The following HHAT variants were observed in gnomAD, a reference collection of about 807,000 sequenced individuals.
HHAT encodes the protein protein-cysteine N-palmitoyltransferase HHAT.
HHAT carries 47 observed loss-of-function variants against 70.8 expected under a neutral mutation model. That is an observed-to-expected ratio of 0.66 (90% confidence interval 0.53 to 0.85). The LOEUF is 0.85. Ranked by LOEUF, HHAT falls within the 40% of genes least tolerant of loss-of-function variation. HHAT has a pLI of 0.00. For missense variants in HHAT, 609 were observed against 604.8 expected, an observed-to-expected ratio of 1.01 and a Z score of -0.07; for synonymous variants, 228 against 247.6, an observed-to-expected ratio of 0.92 and a Z score of 0.74.
chr1:210,427,272 G>A (rs866091298), intron 7 of HHAT, among the ~76,000 whole-genome samples: 6 of 151,454 alleles, frequency 4.0e-5, no homozygotes, highest in South Asian at 2.1e-4. Flanking sequence ...CCAATTCCTG[G>A]ATTCACTGAC....
intron 10 of HHAT, among the ~76,000 whole-genome samples, chr1:210,595,784 ATATC>A (rs1662846527): frequency 6.6e-6 from 1 of 151,758 alleles, no homozygotes; most frequent in Non-Finnish European, 1.5e-5. Flanking sequence ...GTGTCTATTC[ATATC>A]CTTCGCCCAC....
chr1:210,396,829 C>T (rs2091815973), intron 4 of HHAT, among the ~76,000 whole-genome samples: 3 of 152,088 alleles, frequency 2.0e-5, no homozygotes, highest in African/African-American at 7.2e-5. Flanking sequence ...TGAAAAAAGC[C>T]AATCTTTGAA....
chr1:210,506,403 T>A (rs922861694), intron 8 of HHAT, among the ~76,000 whole-genome samples: 2 of 152,188 alleles, frequency 1.3e-5, no homozygotes, highest in Non-Finnish European at 2.9e-5. Context: ...CCAGTTTTTT[T>A]ATCTCAAGCT....
Position 210,676,286 on chromosome 1 carries a change from G to A in HHAT, c.*1907G>A, listed in dbSNP as rs1263524552. ...TCAGGAATTAATAAATGATTACTGT[G>A]TTTAGCTCTGTATTTGAGGCTGATT... On this transcript the variant is annotated 3_prime_UTR_variant, in exon 12 of 12. Transcript: ENST00000261458. 6.6e-6 allele frequency: 1 copy of A among 152,194 alleles called. No homozygotes were observed. Among genetic ancestry groups the A allele is most frequent in the Non-Finnish European group, 1.5e-5 (1 of 68,030 alleles). 9.4% of individuals were successfully genotyped at this position (152,194 alleles called of 1,614,324 possible).
chr1:210,436,993 G>A lies in HHAT; in HGVS notation c.856+18668G>A, dbSNP rs535731215. On this transcript the variant is annotated intron_variant, in intron 7 of 11. Transcript: ENST00000261458. Reference sequence around the variant, plus strand: ...AACCAAGCACATCACAGAGTTTCAGGGATGGGAAGAAGATATCTTAGGAGT... The same window carrying A: ...AACCAAGCACATCACAGAGTTTCAGAGATGGGAAGAAGATATCTTAGGAGT... Among the ~76,000 whole-genome samples the A allele has an allele frequency of 4.0e-5, 6 of 151,856 alleles. No individual in the cohort carries two copies. In the South Asian group the frequency reaches 1.2e-3, roughly 32 times the overall value.
chr1:210,359,381 C>T (rs1365063690), intron 2 of HHAT, among the ~76,000 whole-genome samples: 1 of 152,198 alleles, frequency 6.6e-6, no homozygotes, highest in African/African-American at 2.4e-5. Flanking sequence ...AGATTCTAAA[C>T]CATCCCAATT....
chr1:210,415,385 C>T (rs1391580600), intron 6 of HHAT, among the ~76,000 whole-genome samples: 1 of 151,606 alleles, frequency 6.6e-6, no homozygotes, highest in African/African-American at 2.4e-5. Flanking sequence ...GAAAACCATC[C>T]TCAGTTTATG....
At position 210,418,270 on chromosome 1, in the gene HHAT, G is replaced by T. The variant is rs767706148; in HGVS notation, c.801G>T (p.Met267Ile). The T allele has an allele frequency of 2.5e-5, 40 of 1,613,388 alleles. 1 individual carries two copies. In the Middle Eastern group the frequency reaches 4.5e-3, roughly 180 times the overall value. ...LAELMAHLMY[M>I]HAIYSSIPLL... ...AGCTGATGGCTCACCTGATGTACAT[G>T]CATGCCATCTACAGCAGCATCCCCC... The change falls in exon 7 of 12, where the codon ATG becomes ATT. Residue 267 changes from methionine to isoleucine, a missense_variant. Coordinates refer to ENST00000261458, the MANE Select transcript of HHAT (RefSeq NM_018194.6).
intron 9 of HHAT, among the ~76,000 whole-genome samples, chr1:210,521,736 T>C (rs956041011): frequency 6.6e-6 from 1 of 152,192 alleles, no homozygotes; most frequent in African/African-American, 2.4e-5. Context: ...ACCCACTCCC[T>C]CTGAGAAGGA....
At chr1:210,454,248 T>C (rs1449909658) in intron 7 of HHAT, among the ~76,000 whole-genome samples, 1 of 152,130 alleles carries the variant, frequency 6.6e-6, no homozygotes, top group South Asian at 2.1e-4. Context: ...TTTCAGACAT[T>C]TTGCCCTGTG....
intron 6 of HHAT, among the ~76,000 whole-genome samples, chr1:210,412,578 G>A (rs1440260811): frequency 6.6e-6 from 1 of 152,166 alleles, no homozygotes; most frequent in Non-Finnish European, 1.5e-5. Context: ...AGCTCCTGAG[G>A]AAGTCCAAAA....
At chr1:210,453,133 A>G (rs2093788671) in intron 7 of HHAT, among the ~76,000 whole-genome samples, 1 of 152,214 alleles carries the variant, frequency 6.6e-6, no homozygotes, top group African/African-American at 2.4e-5. Flanking sequence ...AAGGGATAAG[A>G]CATTTGACGT....
chr1:210,512,693 CAT>C (rs2094979311), intron 8 of HHAT, among the ~76,000 whole-genome samples: 1 of 146,326 alleles, frequency 6.8e-6, no homozygotes, highest in South Asian at 2.2e-4. Context: ...AAAAAAAACC[CAT>C]ATATATGTGT....
At chr1:210,660,838 G>A (rs1363266097) in intron 11 of HHAT, among the ~76,000 whole-genome samples, 2 of 152,094 alleles carry the variant, frequency 1.3e-5, no homozygotes, top group Non-Finnish European at 2.9e-5. Flanking sequence ...TTAATAAATG[G>A]TGCTGGGAAA....
intron 7 of HHAT, among the ~76,000 whole-genome samples, chr1:210,436,992 G>A (rs1215874608): frequency 2.0e-5 from 3 of 151,926 alleles, no homozygotes; most frequent in African/African-American, 7.3e-5. Context: ...CAGAGTTTCA[G>A]GGATGGGAAG....
intron 9 of HHAT, among the ~76,000 whole-genome samples, chr1:210,522,053 TA>T (rs2095166849): frequency 1.3e-5 from 2 of 152,354 alleles, no homozygotes; most frequent in South Asian, 4.1e-4. Flanking sequence ...TGTAGGATTT[TA>T]AACTTTGTAT....
intron 8 of HHAT, among the ~76,000 whole-genome samples, chr1:210,498,615 G>T (rs2094694347): frequency 6.6e-6 from 1 of 152,174 alleles, no homozygotes; most frequent in East Asian, 1.9e-4. Flanking sequence ...TGAGCAATGG[G>T]TGGCTACTGA....
chr1:210,509,556 T>C (rs1213758394), intron 8 of HHAT, among the ~76,000 whole-genome samples: 1 of 152,210 alleles, frequency 6.6e-6, no homozygotes, highest in Non-Finnish European at 1.5e-5. Flanking sequence ...TCCTCTGTGG[T>C]GCAGATGATA....
intron 10 of HHAT, among the ~76,000 whole-genome samples, chr1:210,613,237 T>C (rs973880764): frequency 2.0e-5 from 3 of 152,194 alleles, no homozygotes; most frequent in Non-Finnish European, 2.9e-5. Flanking sequence ...TTTTATAGTT[T>C]TAGTTCATCT....
Sources: allele counts gnomAD v4.1 joint callset (sites outside exome capture counted in the v4.1 genomes callset), GRCh38; gene constraint gnomAD v4.1.1; transcripts MANE v1.5; gene names NCBI Gene and HGNC (gene_info 2026-07-23, HGNC 2026-07-21).